DDX21: variants seen among roughly 807,000 people sequenced by gnomAD.
The protein encoded by DDX21 is DExD-box helicase 21.
A neutral mutation model predicts 90.0 loss-of-function variants in DDX21; 18 were observed. That is an observed-to-expected ratio of 0.20 (90% CI 0.14 to 0.30). The LOEUF is 0.30. Among genes scored for constraint, DDX21 ranks in the 10% least tolerant of loss-of-function variants. The pLI is 1.00. For missense variants in DDX21, 673 were observed against 944.5 expected (o/e 0.71, Z 3.77); for synonymous variants, 294 against 318.0 (o/e 0.92, Z 0.80).
At chr10:68,970,382 G>A (rs1197025626) in intron 8 of DDX21, 32 bp downstream of exon 8, 1 of 1,597,166 alleles carries the variant, frequency 6.3e-7, no homozygotes, top group South Asian at 1.1e-5. Context: ...AGCAAAACTG[G>A]GGATATCAAC....
At chr10:68,973,450 A>C in intron 9 of DDX21, 95 bp from the exon 10 acceptor site, 1 of 1,507,292 alleles carries the variant, frequency 6.6e-7, no homozygotes, top group Non-Finnish European at 9.1e-7. Flanking sequence ...CAGGTTTATA[A>C]CCACAATTGC....
At chr10:68,965,799 C>A (rs1589284555) in intron 5 of DDX21, among the ~76,000 whole-genome samples, 1 of 130,714 alleles carries the variant, frequency 7.7e-6, no homozygotes, top group Non-Finnish European at 1.6e-5. Context: ...ATTCAAGGTT[C>A]CTCTTGTCTG....
intron 5 of DDX21, among the ~76,000 whole-genome samples, chr10:68,965,760 A>G (rs1393771636): frequency 6.6e-6 from 1 of 152,070 alleles, no homozygotes; most frequent in East Asian, 1.9e-4. Context: ...AAGACAGTCC[A>G]TTTGGGCTCT....
chr10:68,956,997 G>A (rs553575144), intron 1 of DDX21, among the ~76,000 whole-genome samples: 1 of 151,464 alleles, frequency 6.6e-6, no homozygotes, highest in Non-Finnish European at 1.5e-5. Context: ...AGCCGAGATC[G>A]CGCCACTGCA....
In DDX21 at chr10:68,971,918, C is replaced by G. The variant is rs1843032998; in HGVS notation, c.1414C>G (p.Pro472Ala). The G allele has an allele frequency of 2.5e-6, 4 of 1,614,114 alleles. No individual in the cohort carries two copies. Among genetic ancestry groups the G allele is most frequent in the Non-Finnish European group, 3.4e-6 (4 of 1,179,986 alleles). The stretch of plus-strand genomic sequence containing the variant: ...TGCTCAGTCCTTGCATGGAGACATT[C>G]CACAGAAGCAAAGGGAAATCACCCT... ...QDAQSLHGDIPQKQREITLKG... is the reference protein window; with the variant it reads ...QDAQSLHGDIAQKQREITLKG... Residue 472 changes from proline (P) to alanine (A), a missense_variant, in exon 9 of 15, where the codon CCA (proline) becomes GCA (alanine). This residue lies in a region of DDX21 where 218 missense variants were observed against 347.3 expected (regional missense o/e 0.63). Transcript: ENST00000354185.
At position 68,967,026 on chromosome 10, in the gene DDX21, A is replaced by C; in HGVS notation, c.913A>C (p.Met305Leu). 1 of 1,609,260 alleles carries C rather than the reference A, an allele frequency of 6.2e-7. No individual in the cohort carries two copies. The highest frequency in any genetic ancestry group is 8.5e-7 in the Non-Finnish European group (1 of 1,177,420). Residue 305 changes from methionine (M) to leucine (L), a missense_variant, in exon 6 of 15, where the codon ATG becomes CTG. Physicochemically the swap from Met to Leu is conservative, Grantham distance 15. Coordinates refer to ENST00000354185, the MANE Select transcript of DDX21 (RefSeq NM_004728.4). Reference sequence around the variant, plus strand: ...GTCATTGTTTTTTATAGTTGAACGCATGAGGAATGGGATTGATATCCTGGT... The same window carrying C: ...GTCATTGTTTTTTATAGTTGAACGCCTGAGGAATGGGATTGATATCCTGGT... ...GTPYGGQFER[M>L]RNGIDILVGT...
At chr10:68,961,049 C>A (rs1842866380) in intron 2 of DDX21, among the ~76,000 whole-genome samples, 1 of 152,236 alleles carries the variant, frequency 6.6e-6, no homozygotes, top group Non-Finnish European at 1.5e-5. Context: ...CTGTCCAGAA[C>A]CTAATTCTGT....
chr10:68,977,876 G>A (rs1843126255), intron 12 of DDX21, among the ~76,000 whole-genome samples, 188 bp downstream of exon 12: 1 of 152,116 alleles, frequency 6.6e-6, no homozygotes, highest in Non-Finnish European at 1.5e-5. Flanking sequence ...GGGAGGCACA[G>A]GCAGGAGGAT....
Position 68,956,597 on chromosome 10 carries a change from G to C in DDX21, c.87+285G>C. On this transcript the variant is annotated intron_variant, in intron 1 of 14. Coordinates refer to ENST00000354185, the MANE Select transcript of DDX21 (RefSeq NM_004728.4). ...TGGTAGAGAGGCCCTGTTGGAGCTC[G>C]GGAGAGGGCCGGGTGTCCCACGTGG... 7.2e-6 allele frequency: 9 copies of C among 1,249,746 alleles called. No homozygotes were observed. The East Asian group carries it at 2.3e-4, about 33-fold the overall frequency. 77.4% of individuals were successfully genotyped at this position (1,249,746 alleles called of 1,614,324 possible). A position where few individuals can be genotyped will look rare whatever the true frequency, so the allele number is the denominator to read the frequency against.
chr10:68,980,335 G>A (rs7907661), intron 13 of DDX21, among the ~76,000 whole-genome samples: 17,875 of 152,084 alleles, frequency 0.12, 1,331 homozygotes, highest in Admixed American at 0.18. Flanking sequence ...TGTTAGGGGC[G>A]TCTTTATCTG....
Position 68,984,161 on chromosome 10 carries a change from G to A in DDX21, c.*1349G>A, listed in dbSNP as rs1195407097. 1.2e-4 allele frequency: 19 copies of A among 152,192 alleles called. No homozygotes were observed. The highest frequency in any genetic ancestry group is 1.2e-3 in the Admixed American group (19 of 15,284). 9.4% of individuals were successfully genotyped at this position (152,192 alleles called of 1,614,324 possible). A position where few individuals can be genotyped will look rare whatever the true frequency, so the allele number is the denominator to read the frequency against. On this transcript the variant is annotated 3_prime_UTR_variant, in exon 15 of 15. Transcript: ENST00000354185. ...GCCTTAATTTCCAGAGATTATTTCTGTACTGAGAATCCTGGAACTACTATG... is the reference window on the plus strand; with the variant it reads ...GCCTTAATTTCCAGAGATTATTTCTATACTGAGAATCCTGGAACTACTATG...
In DDX21 at chr10:68,957,439, C is replaced by G. The variant is rs192024347; in HGVS notation, c.87+1127C>G. 6.9e-4 allele frequency among the ~76,000 whole-genome samples: 105 copies of G among 152,260 alleles called. 1 individual carries two copies. Among genetic ancestry groups the G allele is most frequent in the Admixed American group, 6.9e-3 (105 of 15,286 alleles). On this transcript the variant is annotated intron_variant, in intron 1 of 14. Transcript: ENST00000354185. ...CAAGTCAGTGGGAACAAAGATTGTC[C>G]TTGAACTTAGGTTGTACGCTACTTA...
intron 11 of DDX21, among the ~76,000 whole-genome samples, chr10:68,975,909 C>T (rs1444763050): frequency 1.3e-5 from 2 of 151,838 alleles, no homozygotes; most frequent in Non-Finnish European, 2.9e-5. Flanking sequence ...AATAGCCAGG[C>T]GTGGTTGCGC....
intron 2 of DDX21, among the ~76,000 whole-genome samples, chr10:68,961,368 T>C (rs2132079978): frequency 6.6e-6 from 1 of 152,346 alleles, no homozygotes; most frequent in Middle Eastern, 3.4e-3. Flanking sequence ...AAGAAAGAAA[T>C]GCTTCCTGGA....
intron 2 of DDX21, 31 bp downstream of exon 2, chr10:68,960,280 T>C (rs1461266569): frequency 3.9e-6 from 6 of 1,553,566 alleles, no homozygotes; most frequent in Non-Finnish European, 5.2e-6. Flanking sequence ...GTAGAAGATA[T>C]CTTTCATTGT....
rs749132770 is a variant in DDX21 at position 68,978,981 on chromosome 10, G to A, written c.2037+5G>A. The A allele has an allele frequency of 1.2e-6, 2 of 1,614,076 alleles. No individual in the cohort carries two copies. Among genetic ancestry groups the A allele is most frequent in the Non-Finnish European group, 1.7e-6 (2 of 1,179,968 alleles). On this transcript the variant is annotated splice_donor_5th_base_variant and intron_variant, in intron 13 of 14. Coordinates refer to ENST00000354185, the MANE Select transcript of DDX21 (RefSeq NM_004728.4). Reference sequence around the variant, plus strand: ...GTTTTTCTCAAAGGAAAGCTGGTAAGGCTGGGGTCTCTGTTGTAACCTTGA... The same window carrying A: ...GTTTTTCTCAAAGGAAAGCTGGTAAAGCTGGGGTCTCTGTTGTAACCTTGA...
chr10:68,971,059 AC>A (rs1454973658), intron 8 of DDX21, among the ~76,000 whole-genome samples: 1 of 139,236 alleles, frequency 7.2e-6, no homozygotes, highest in Non-Finnish European at 1.5e-5. Context: ...TGTAGCCTCA[AC>A]CTCCAGGTAG....
chr10:68,963,454 A>T lies in DDX21; in HGVS notation c.771A>T (p.Arg257Ser). The T allele has an allele frequency of 6.2e-7, 1 of 1,612,324 alleles. No homozygotes were observed. Among genetic ancestry groups the T allele is most frequent in the East Asian group, 2.2e-5 (1 of 44,876 alleles). The change falls in exon 4 of 15, where the codon AGA (arginine) becomes AGT (serine). Residue 257 changes from arginine (R) to serine (S), a missense_variant. Arg to Ser is a moderately radical substitution (Grantham distance 110). Around this residue, in one of 4 missense-constraint regions of DDX21, gnomAD observed 218 missense variants for 347.3 expected, o/e 0.63. Coordinates refer to ENST00000354185, the MANE Select transcript of DDX21 (RefSeq NM_004728.4). Reference protein sequence around the residue: ...KLHGELQDRKRGRAPQVLVLA... With the variant: ...KLHGELQDRKSGRAPQVLVLA... ...ATGGGGAACTGCAAGACAGGAAGAG[A>T]GGCCGTGCCCCTCAGGTAACTGTCT...
At chr10:68,981,938 A>G (rs1021050455) in intron 14 of DDX21, among the ~76,000 whole-genome samples, 1 of 151,746 alleles carries the variant, frequency 6.6e-6, no homozygotes, top group African/African-American at 2.4e-5. Flanking sequence ...CAGTGGTGCA[A>G]TCTCGGTTCA....
Sources: allele counts gnomAD v4.1 joint callset (sites outside exome capture counted in the v4.1 genomes callset), GRCh38; gene constraint gnomAD v4.1.1; regional missense constraint gnomAD v4.1.1; transcripts MANE v1.5; gene names NCBI Gene and HGNC (gene_info 2026-07-23, HGNC 2026-07-21).